NRG1: variants seen among roughly 807,000 people sequenced by gnomAD.
NRG1 encodes the protein neuregulin 1, also known as pro-neuregulin-1, membrane-bound isoform.
Under a neutral mutation model 63.8 loss-of-function variants are expected in NRG1, and 18 were observed. The ratio of observed to expected loss-of-function variants is 0.28; its 90% CI spans 0.19 to 0.42. NRG1 has a LOEUF of 0.42. Ranked by LOEUF, NRG1 falls within the 10% of genes least tolerant of loss-of-function variation. The pLI is 1.00. For synonymous variants in NRG1, 302 were observed against 301.3 expected (o/e 1.00, Z -0.02); for missense variants, 762 against 814.7 (o/e 0.94, Z 0.79).
At chr8:31,770,352 A>T (rs1818486113) in intron 1 of NRG1, among the ~76,000 whole-genome samples, 1 of 152,156 alleles carries the variant, frequency 6.6e-6, no homozygotes, top group Non-Finnish European at 1.5e-5. Flanking sequence ...TTATCCTGGT[A>T]AAAGTCAAGT....
chr8:31,978,528 C>T (rs538287629), intron 1 of NRG1, among the ~76,000 whole-genome samples: 5 of 152,148 alleles, frequency 3.3e-5, no homozygotes, highest in African/African-American at 4.8e-5. Flanking sequence ...TTTACATCTC[C>T]GATGGATTAA....
intron 1 of NRG1, among the ~76,000 whole-genome samples, chr8:32,482,398 T>TTGTGTGTGTGTGTGTGTG (rs10689849): frequency 0.011 from 1,674 of 148,278 alleles, 32 homozygotes; most frequent in African/African-American, 0.039. Context: ...CTTTCTACTT[T>TTGTGTGTGTGTGTGTGTG]TGTGTGTGTG....
chr8:31,698,290 G>GCC (rs1810290436), intron 1 of NRG1, among the ~76,000 whole-genome samples: 1 of 152,166 alleles, frequency 6.6e-6, no homozygotes, highest in Non-Finnish European at 1.5e-5. Flanking sequence ...ACAAGCTCGA[G>GCC]CTGACACACA....
chr8:32,662,640 TG>T (rs1167932200), intron 5 of NRG1, among the ~76,000 whole-genome samples: 2 of 152,118 alleles, frequency 1.3e-5, no homozygotes, highest in African/African-American at 4.8e-5. Flanking sequence ...TTGTAGGAGT[TG>T]TAGGAGGGAA....
chr8:32,434,536 G>C (rs16879379), intron 1 of NRG1, among the ~76,000 whole-genome samples: 1 of 152,058 alleles, frequency 6.6e-6, no homozygotes, highest in Non-Finnish European at 1.5e-5. Context: ...AGCCCAGATC[G>C]GGACCCACCA....
chr8:31,876,447 C>T (rs1829928701), intron 1 of NRG1, among the ~76,000 whole-genome samples: 1 of 152,230 alleles, frequency 6.6e-6, no homozygotes, highest in East Asian at 1.9e-4. Flanking sequence ...TCTGTATGTG[C>T]TTCAGTGTCT....
At chr8:32,757,263 T>A (rs548041425) in intron 9 of NRG1, among the ~76,000 whole-genome samples, 52 of 152,368 alleles carry the variant, frequency 3.4e-4, no homozygotes, top group Admixed American at 2.9e-3. Flanking sequence ...TCTCTTTTTC[T>A]TTTTACAGAT....
intron 1 of NRG1, among the ~76,000 whole-genome samples, chr8:32,063,836 T>C (rs1824294177): frequency 6.6e-6 from 1 of 152,132 alleles, no homozygotes; most frequent in African/African-American, 2.4e-5. Context: ...TTTTTTTTGT[T>C]TAATAAACAT....
intron 1 of NRG1, among the ~76,000 whole-genome samples, chr8:32,124,420 C>T (rs987648005): frequency 6.6e-6 from 1 of 151,816 alleles, no homozygotes; most frequent in African/African-American, 2.4e-5. Flanking sequence ...CAAATCTTCC[C>T]AACAAACAGT....
chr8:32,579,432 C>T (rs747321356), intron 1 of NRG1, among the ~76,000 whole-genome samples: 4 of 152,100 alleles, frequency 2.6e-5, no homozygotes, highest in Non-Finnish European at 4.4e-5. Flanking sequence ...GAAGGGTTGT[C>T]TGGGTCACAA....
At chr8:31,947,972 A>AG (rs1802882826) in intron 1 of NRG1, among the ~76,000 whole-genome samples, 1 of 147,686 alleles carries the variant, frequency 6.8e-6, no homozygotes, top group African/African-American at 2.5e-5. Context: ...AAAAAAAAAA[A>AG]CTACTACTTA....
intron 1 of NRG1, among the ~76,000 whole-genome samples, chr8:31,905,305 A>G (rs1468855626): frequency 6.6e-6 from 1 of 152,174 alleles, no homozygotes; most frequent in Admixed American, 6.6e-5. Flanking sequence ...CTCAGGTGGC[A>G]ATAAGGGGGA....
intron 1 of NRG1, among the ~76,000 whole-genome samples, chr8:32,047,341 T>G (rs938083672): frequency 1.1e-4 from 17 of 152,048 alleles, no homozygotes; most frequent in African/African-American, 3.9e-4. Flanking sequence ...ACCTGAACGT[T>G]TTTTCATGAT....
At chr8:31,921,437 G>C (rs1833906501) in intron 1 of NRG1, among the ~76,000 whole-genome samples, 1 of 151,278 alleles carries the variant, frequency 6.6e-6, no homozygotes, top group African/African-American at 2.4e-5. Context: ...TCAAGGGATA[G>C]CAGTTGCTTT....
At chr8:32,616,916 T>C (rs1446450785) in intron 5 of NRG1, 31 bp downstream of exon 5, 1 of 1,500,788 alleles carries the variant, frequency 6.7e-7, no homozygotes, top group Non-Finnish European at 9.3e-7. Flanking sequence ...TATTCACTGG[T>C]TTTTAACCCA....
At chr8:32,527,919 C>T (rs958864962) in intron 1 of NRG1, among the ~76,000 whole-genome samples, 1 of 152,164 alleles carries the variant, frequency 6.6e-6, no homozygotes, top group South Asian at 2.1e-4. Context: ...ATTATCCAAC[C>T]GCTTCTCCCC....
At chr8:31,754,147 G>C (rs1816743369) in intron 1 of NRG1, among the ~76,000 whole-genome samples, 1 of 152,074 alleles carries the variant, frequency 6.6e-6, no homozygotes, top group Non-Finnish European at 1.5e-5. Flanking sequence ...TTTACCTAGA[G>C]CTAGAAGGTA....
intron 6 of NRG1, chr8:32,728,296 GT>G: frequency 5.1e-6 from 5 of 983,622 alleles, no homozygotes; most frequent in Non-Finnish European, 6.0e-6. Flanking sequence ...TGTGTGAGGT[GT>G]TTTTTGTTTT....
chr8:31,654,353 G>A (rs62506873), intron 1 of NRG1, among the ~76,000 whole-genome samples: 22 of 152,320 alleles, frequency 1.4e-4, no homozygotes, highest in African/African-American at 4.1e-4. Context: ...GTTTGAAGCC[G>A]TGTAACAGGA....
Sources: gnomAD v4.1 joint callset for allele counts (sites outside exome capture counted in the v4.1 genomes callset) on GRCh38, gnomAD v4.1.1 for gene constraint, MANE v1.5 for transcripts, NCBI Gene and HGNC (gene_info 2026-07-23, HGNC 2026-07-21) for gene names.